Variants in MAGI2 observed in about 807,000 individuals in gnomAD.
MAGI2 encodes membrane associated guanylate kinase, WW and PDZ domain containing 2, also known as membrane-associated guanylate kinase, WW and PDZ domain-containing protein 2.
A neutral mutation model predicts 133.3 loss-of-function variants in MAGI2; 35 were observed. The ratio of observed to expected loss-of-function variants is 0.26; its 90% confidence interval spans 0.20 to 0.35. The LOEUF (loss-of-function observed/expected upper bound fraction) is 0.35, where lower values mean the gene tolerates loss of function less well. Among genes scored for constraint, MAGI2 ranks in the 10% least tolerant of loss-of-function variants. The pLI, the probability that MAGI2 is intolerant of heterozygous loss-of-function variation, is 1.00. For synonymous variants in MAGI2, 729 were observed against 710.6 expected (o/e 1.03, Z -0.41); for missense variants, 1,636 against 1,863.4 (o/e 0.88, Z 2.25).
At chr7:78,041,409 C>G (rs1280297495) in intron 21 of MAGI2, among the ~76,000 whole-genome samples, 1 of 152,186 alleles carries the variant, frequency 6.6e-6, no homozygotes, top group African/African-American at 2.4e-5. Context: ...GGTGTGGTGG[C>G]TTACGCCTGT....
intron 2 of MAGI2, among the ~76,000 whole-genome samples, chr7:79,003,454 T>C (rs1807100066): frequency 6.6e-6 from 1 of 152,210 alleles, no homozygotes; most frequent in Non-Finnish European, 1.5e-5. Flanking sequence ...CAATGCTAGA[T>C]TAAACAAGGA....
intron 21 of MAGI2, among the ~76,000 whole-genome samples, chr7:78,051,113 G>C (rs1280423006): frequency 6.6e-6 from 1 of 152,158 alleles, no homozygotes; most frequent in Non-Finnish European, 1.5e-5. Flanking sequence ...AGCCTGCCTG[G>C]CATTTATTCT....
At chr7:79,039,873 T>C (rs1015976441) in intron 1 of MAGI2, among the ~76,000 whole-genome samples, 1 of 143,792 alleles carries the variant, frequency 7.0e-6, no homozygotes, top group African/African-American at 2.6e-5. Context: ...ATATAATATA[T>C]ATGTATATAT....
intron 2 of MAGI2, among the ~76,000 whole-genome samples, chr7:78,938,364 T>G (rs1457247542): frequency 1.3e-5 from 2 of 152,074 alleles, no homozygotes; most frequent in African/African-American, 4.8e-5. Context: ...AATGTGAAAA[T>G]AGTCACCATA....
At chr7:78,695,968 C>T (rs191499591) in intron 2 of MAGI2, among the ~76,000 whole-genome samples, 75 of 152,220 alleles carry the variant, frequency 4.9e-4, no homozygotes, top group African/African-American at 1.5e-3. Context: ...CAGTGTTTTG[C>T]TCTGCTGCCC....
chr7:78,563,934 A>C (rs984654770), intron 3 of MAGI2, among the ~76,000 whole-genome samples: 3 of 152,250 alleles, frequency 2.0e-5, no homozygotes, highest in Admixed American at 2.0e-4. Flanking sequence ...AATTCTATTT[A>C]ATTTGAGGCC....
intron 1 of MAGI2, among the ~76,000 whole-genome samples, chr7:79,040,543 T>C (rs1033936329): frequency 6.6e-6 from 1 of 152,064 alleles, no homozygotes; most frequent in African/African-American, 2.4e-5. Context: ...TTGGTGTTGA[T>C]ATAGTTTGGT....
intron 9 of MAGI2, among the ~76,000 whole-genome samples, chr7:78,328,395 TA>T (rs1320359063): frequency 6.6e-6 from 1 of 151,754 alleles, no homozygotes; most frequent in Non-Finnish European, 1.5e-5. Flanking sequence ...GAGTTAAATA[TA>T]TAGGATATAT....
At chr7:78,741,435 G>T (rs1822427794) in intron 2 of MAGI2, among the ~76,000 whole-genome samples, 1 of 143,696 alleles carries the variant, frequency 7.0e-6, no homozygotes. Context: ...ACACGGGAGG[G>T]GGGTTAGATC....
intron 1 of MAGI2, among the ~76,000 whole-genome samples, chr7:79,027,005 C>T (rs1264161913): frequency 6.6e-6 from 1 of 152,022 alleles, no homozygotes; most frequent in Non-Finnish European, 1.5e-5. Context: ...ATTAAAACCA[C>T]AATGAAGTAT....
At chr7:78,572,890 G>T (rs988055282) in intron 3 of MAGI2, among the ~76,000 whole-genome samples, 2 of 150,170 alleles carry the variant, frequency 1.3e-5, no homozygotes, top group Admixed American at 1.3e-4. Flanking sequence ...TCAAACTCTC[G>T]ACCTCAGGTG....
rs1797279174 is a variant in MAGI2 at position 78,897,214 on chromosome 7, C to A, written c.418+109876G>T. Among the ~76,000 whole-genome samples, 3 of 152,172 alleles carry A rather than the reference C, an allele frequency of 2.0e-5. No individual in the cohort carries two copies. The South Asian group carries it at 6.2e-4, about 32-fold the overall frequency. ...AACACTTCTGAAGGAAAAAAGCAAT[C>A]ATCATTTTTAACCCATATCAAGGGA... On this transcript the variant is annotated intron_variant, in intron 2 of 21. Coordinates refer to ENST00000354212, the MANE Select transcript of MAGI2 (RefSeq NM_012301.4).
intron 9 of MAGI2, among the ~76,000 whole-genome samples, chr7:78,278,912 T>TA (rs1221407380): frequency 6.6e-6 from 1 of 152,198 alleles, no homozygotes; most frequent in African/African-American, 2.4e-5. Context: ...GCTCAAATTT[T>TA]ACTGAAAAGA....
At chr7:78,798,200 A>G (rs1787771245) in intron 2 of MAGI2, among the ~76,000 whole-genome samples, 1 of 152,194 alleles carries the variant, frequency 6.6e-6, no homozygotes, top group Non-Finnish European at 1.5e-5. Context: ...ACCAATTAAT[A>G]GTTGTGAAAA....
chr7:78,177,223 AC>A, intron 14 of MAGI2, among the ~76,000 whole-genome samples: 1 of 152,252 alleles, frequency 6.6e-6, no homozygotes, highest in Non-Finnish European at 1.5e-5. Context: ...TAGATAGCTG[AC>A]TGCACTGCTC....
chr7:78,131,114 G>A (rs10226048), intron 18 of MAGI2, among the ~76,000 whole-genome samples: 1,705 of 152,332 alleles, frequency 0.011, 22 homozygotes, highest in African/African-American at 0.033. Context: ...CTGCTGGGGT[G>A]CTCAAGTCCT....
chr7:78,683,412 T>A (rs967638919), intron 2 of MAGI2, among the ~76,000 whole-genome samples: 1 of 151,890 alleles, frequency 6.6e-6, no homozygotes, highest in Non-Finnish European at 1.5e-5. Flanking sequence ...AAGGGCAGAG[T>A]ATGAACAAAT....
intron 9 of MAGI2, among the ~76,000 whole-genome samples, chr7:78,316,669 T>C (rs906149356): frequency 6.6e-6 from 1 of 152,222 alleles, no homozygotes; most frequent in African/African-American, 2.4e-5. Context: ...GAAAAAGCCA[T>C]GGTAAACTTG....
chr7:78,082,711 T>C (rs1445417149), intron 20 of MAGI2, among the ~76,000 whole-genome samples: 1 of 152,128 alleles, frequency 6.6e-6, no homozygotes, highest in Non-Finnish European at 1.5e-5. Flanking sequence ...GGTTAGGTAA[T>C]GGAACGAAAA....
Sources: gnomAD v4.1 joint callset for allele counts (sites outside exome capture counted in the v4.1 genomes callset) on GRCh38, gnomAD v4.1.1 for gene constraint, MANE v1.5 for transcripts, NCBI Gene and HGNC (gene_info 2026-07-23, HGNC 2026-07-21) for gene names.